Variants in CACNA1B observed in about 807,000 individuals in gnomAD.
The protein encoded by CACNA1B is calcium voltage-gated channel subunit alpha1 B.
CACNA1B carries 70 observed loss-of-function variants against 247.2 expected under a neutral mutation model. The ratio of observed to expected loss-of-function variants is 0.28; its 90% CI spans 0.23 to 0.35. CACNA1B has a LOEUF of 0.35. Among genes scored for constraint, CACNA1B ranks in the 10% least tolerant of loss-of-function variants. CACNA1B has a pLI of 1.00. For synonymous variants in CACNA1B, 1,231 were observed against 1,294.4 expected (o/e 0.95, Z 1.05); for missense variants, 2,367 against 3,197.4 (o/e 0.74, Z 6.26).
chr9:137,939,393 G>A (rs1038197024), intron 6 of CACNA1B, among the ~76,000 whole-genome samples: 2 of 152,108 alleles, frequency 1.3e-5, no homozygotes, highest in African/African-American at 4.8e-5. Context: ...AATAAAACTG[G>A]AAGTCAACTC....
At chr9:138,099,543 G>T (rs565384170) in intron 37 of CACNA1B, among the ~76,000 whole-genome samples, 4 of 150,324 alleles carry the variant, frequency 2.7e-5, no homozygotes, top group African/African-American at 9.8e-5. Context: ...GTGTGCATGT[G>T]CCTTTGTGTG....
chr9:137,951,201 G>C (rs1406576862), intron 6 of CACNA1B, among the ~76,000 whole-genome samples: 2 of 152,354 alleles, frequency 1.3e-5, no homozygotes, highest in Admixed American at 6.5e-5. Context: ...AACATGAACT[G>C]CAGCTGGAGC....
intron 36 of CACNA1B, among the ~76,000 whole-genome samples, chr9:138,095,799 A>G (rs1961033869): frequency 6.6e-6 from 1 of 152,230 alleles, no homozygotes. Context: ...ACTAATAGAT[A>G]CTACAATATG....
chr9:138,023,182 G>C lies in CACNA1B; in HGVS notation c.2439G>C (p.Leu813=), dbSNP rs760272180. Residue 813 remains leucine (L), a synonymous_variant, in exon 19 of 47, where the codon CTG becomes CTC. Coordinates refer to ENST00000371372, the MANE Select transcript of CACNA1B (RefSeq NM_000718.4). ...RHLRPDMKTH[L]DRPLVVELGR... is the part of the protein sequence containing the mutation. ...TGCGGCCCGACATGAAGACGCACCT[G>C]GACCGGCCGCTGGTGGTGGAGCTGG... 2 of 1,525,018 alleles carry C rather than the reference G, an allele frequency of 1.3e-6. No individual in the cohort carries two copies. Among genetic ancestry groups the C allele is most frequent in the South Asian group, 2.4e-5 (2 of 82,374 alleles). 94.5% of individuals were successfully genotyped at this position (1,525,018 alleles called of 1,614,324 possible).
chr9:138,023,752 G>T lies in CACNA1B; in HGVS notation c.3009G>T (p.Glu1003Asp). The T allele has an allele frequency of 4.3e-6, 6 of 1,405,888 alleles. No individual in the cohort carries two copies. The highest frequency in any genetic ancestry group is 5.8e-6 in the Non-Finnish European group (6 of 1,034,038). The allele number at this position is 1,405,888 out of a possible 1,614,324, so 87.1% of individuals were successfully genotyped here. A position where few individuals can be genotyped will look rare whatever the true frequency, so the allele number is the denominator to read the frequency against. The change falls in exon 19 of 47, where the codon GAG (glutamate) becomes GAT (aspartate). Residue 1003 changes from glutamate (E) to aspartate (D), a missense_variant. This residue lies in a region of CACNA1B where 631 missense variants were observed against 631.1 expected (regional missense o/e 1.00). Transcript: ENST00000371372. ...AGACCACGGAGAAGGAGGCCACGGAGAAGGAGGCTGAGATAGTGGAAGCCG... is the reference window on the plus strand; with the variant it reads ...AGACCACGGAGAAGGAGGCCACGGATAAGGAGGCTGAGATAGTGGAAGCCG... ...EKETTEKEAT[E>D]KEAEIVEADK...
intron 36 of CACNA1B, among the ~76,000 whole-genome samples, chr9:138,092,045 C>T (rs1158560699): frequency 6.6e-6 from 1 of 152,174 alleles, no homozygotes; most frequent in Admixed American, 6.5e-5. Flanking sequence ...AGAGCACATG[C>T]TTCAAAGGGC....
rs2133494405 is a variant in CACNA1B, at chr9:138,053,875, G to C, written c.3837G>C (p.Leu1279=). Reference sequence around the variant, plus strand: ...TGTTTGACTGTGTGGTGAACTCCCTGAAGAATGTCCTCAACATCTTGATTG... The same window carrying C: ...TGTTTGACTGTGTGGTGAACTCCCTCAAGAATGTCCTCAACATCTTGATTG... The part of the protein sequence containing the change: ...KAVFDCVVNS[L]KNVLNILIVY... Residue 1279 remains leucine (L), a synonymous_variant, in exon 26 of 47, where the codon CTG becomes CTC. Coordinates refer to ENST00000371372, the MANE Select transcript of CACNA1B (RefSeq NM_000718.4). The C allele has an allele frequency of 6.2e-7, 1 of 1,613,026 alleles. No homozygotes were observed. The highest frequency in any genetic ancestry group is 2.2e-5 in the East Asian group (1 of 44,848).
intron 3 of CACNA1B, among the ~76,000 whole-genome samples, chr9:137,904,674 C>A (rs1170615180): frequency 6.6e-6 from 1 of 151,986 alleles, no homozygotes; most frequent in East Asian, 1.9e-4. Flanking sequence ...CCTCCGCCTC[C>A]CCCCTCCTCC....
At chr9:137,963,739 G>T (rs915627486) in intron 10 of CACNA1B, among the ~76,000 whole-genome samples, 3 of 152,148 alleles carry the variant, frequency 2.0e-5, no homozygotes, top group African/African-American at 7.2e-5. Flanking sequence ...CTGTCATCAT[G>T]ATGCTAGCTG....
At chr9:138,003,822 AT>A (rs1958612731) in intron 15 of CACNA1B, among the ~76,000 whole-genome samples, 1 of 121,434 alleles carries the variant, frequency 8.2e-6, no homozygotes, top group African/African-American at 3.3e-5. Context: ...GGGTCCCACT[AT>A]GTCGCCCAGG....
chr9:138,098,468 A>C (rs563355729), intron 37 of CACNA1B, among the ~76,000 whole-genome samples: 4 of 152,328 alleles, frequency 2.6e-5, no homozygotes, highest in Admixed American at 2.6e-4. Context: ...CAGAAAACAG[A>C]GATACTTTAT....
At chr9:137,980,955 T>C (rs1378089088) in intron 12 of CACNA1B, among the ~76,000 whole-genome samples, 1 of 152,230 alleles carries the variant, frequency 6.6e-6, no homozygotes, top group Non-Finnish European at 1.5e-5. Context: ...AATAGTGCTG[T>C]GGTGAACAAA....
At chr9:137,897,990 T>A (rs1381768956) in intron 3 of CACNA1B, among the ~76,000 whole-genome samples, 1 of 152,224 alleles carries the variant, frequency 6.6e-6, no homozygotes, top group Non-Finnish European at 1.5e-5. Context: ...TCTTTAATTA[T>A]TCTTTCAGGA....
intron 3 of CACNA1B, among the ~76,000 whole-genome samples, chr9:137,895,196 A>G (rs1957159360): frequency 6.6e-6 from 1 of 152,174 alleles, no homozygotes; most frequent in Non-Finnish European, 1.5e-5. Flanking sequence ...ATTCCGTTCC[A>G]TTGATCTGTG....
rs1958151321 is a variant in CACNA1B, at chr9:137,971,644, G to A, written c.1543+52G>A. 6.7e-7 allele frequency: 1 copy of A among 1,496,900 alleles called. No individual in the cohort carries two copies. Among genetic ancestry groups the A allele is most frequent in the Non-Finnish European group, 9.2e-7 (1 of 1,087,982 alleles). 92.7% of individuals were successfully genotyped at this position (1,496,900 alleles called of 1,614,324 possible). ...TGCTTCCTGAGCATCTCTGCTCTCA[G>A]TCTGGAAACCCTGGTCCATGCCCTG... is the stretch of plus-strand genomic sequence containing the variant. On this transcript the variant is annotated intron_variant, in intron 11 of 46. Coordinates refer to ENST00000371372, the MANE Select transcript of CACNA1B (RefSeq NM_000718.4). This position sits in a 1 kb window ranked among gnomAD's most constrained non-coding sequence, Gnocchi z 4.4.
chr9:138,069,634 G>T (rs571226385), intron 31 of CACNA1B, 124 bp from the exon 32 acceptor site: 1 of 710,022 alleles, frequency 1.4e-6, no homozygotes, highest in Non-Finnish European at 2.6e-6. Flanking sequence ...GCTGACTCAC[G>T]CCATCCAACC....
intron 10 of CACNA1B, among the ~76,000 whole-genome samples, chr9:137,965,737 C>T (rs1958068217): frequency 6.6e-6 from 1 of 152,104 alleles, no homozygotes; most frequent in South Asian, 2.1e-4. Context: ...AGGCACCCAC[C>T]ACCACGCCCA....
chr9:138,052,249 C>CGTGTGTGCATGTGTGT lies in CACNA1B; in HGVS notation c.3807+68_3807+69insCATGTGTGTGTGTGTG, dbSNP rs56929123. Reference sequence around the variant, plus strand: ...GTGTGTGTGTGCGTGTGTGTGTGTGCGTGTGTGTGTGTGTATGCATGCAGT... The same window carrying CGTGTGTGCATGTGTGT: ...GTGTGTGTGTGCGTGTGTGTGTGTGCGTGTGTGCATGTGTGTGTGTGTGTGTGTGTATGCATGCAGT... On this transcript the variant is annotated intron_variant, in intron 25 of 46. Transcript: ENST00000371372. The surrounding 1 kb of genome is among the most constrained non-coding windows in gnomAD (Gnocchi z 5.1). 3.8e-6 allele frequency: 3 copies of CGTGTGTGCATGTGTGT among 779,326 alleles called. No homozygotes were observed. In the African/African-American group the frequency reaches 5.3e-5, roughly 14 times the overall value. 48.3% of individuals were successfully genotyped at this position (779,326 alleles called of 1,614,324 possible).
At position 137,955,147 on chromosome 9, in the gene CACNA1B, G is replaced by A. The variant is rs1020030165; in HGVS notation, c.1071-551G>A. Among the ~76,000 whole-genome samples, 5 of 152,216 alleles carry A rather than the reference G, an allele frequency of 3.3e-5. No homozygotes were observed. Among genetic ancestry groups the A allele is most frequent in the East Asian group, 3.9e-4 (2 of 5,158 alleles). On this transcript the variant is annotated intron_variant, in intron 7 of 46. Transcript: ENST00000371372. This position sits in a 1 kb window ranked among gnomAD's most constrained non-coding sequence, Gnocchi z 6.9. ...GTTGAGGAGGCTACGTGGACTCTGC[G>A]GTATTACCCTTCTGCCTCTGGCCTG... is the stretch of plus-strand genomic sequence containing the variant.
Sources: gnomAD v4.1 joint callset for allele counts (sites outside exome capture counted in the v4.1 genomes callset) on GRCh38, gnomAD v4.1.1 for gene constraint, gnomAD v4.1.1 regional missense constraint, Gnocchi (gnomAD v3.1) non-coding constraint, MANE v1.5 for transcripts, NCBI Gene and HGNC (gene_info 2026-07-23, HGNC 2026-07-21) for gene names.